Variants in GPC6 observed in about 807,000 individuals in gnomAD.
GPC6 encodes glypican-6.
Under a neutral mutation model 55.2 loss-of-function variants are expected in GPC6, and 14 were observed. The observed-to-expected ratio is 0.25, with a 90% confidence interval of 0.17 to 0.40. The LOEUF (loss-of-function observed/expected upper bound fraction) is 0.40. GPC6 is among the 10% of genes least tolerant of loss of function. GPC6 has a pLI of 1.00. For missense variants in GPC6, 641 were observed against 708.5 expected (o/e 0.90, Z 1.08); for synonymous variants, 278 against 259.6 (o/e 1.07, Z -0.68).
At chr13:94,339,084 A>C (rs1051350411) in intron 6 of GPC6, among the ~76,000 whole-genome samples, 20 of 150,852 alleles carry the variant, frequency 1.3e-4, no homozygotes, top group African/African-American at 4.6e-4. Context: ...TTTTTTTAAG[A>C]GACGGGGTCT....
intron 4 of GPC6, among the ~76,000 whole-genome samples, chr13:94,265,805 A>G (rs1891784087): frequency 6.6e-6 from 1 of 152,240 alleles, no homozygotes; most frequent in Admixed American, 6.5e-5. Context: ...TGTGCCACAT[A>G]TGATTTTGTA....
chr13:94,370,359 C>T (rs1879484892), intron 6 of GPC6, among the ~76,000 whole-genome samples: 2 of 152,092 alleles, frequency 1.3e-5, no homozygotes, highest in African/African-American at 4.8e-5. Flanking sequence ...CTCCCATAGC[C>T]CTTTGCTTAG....
intron 1 of GPC6, among the ~76,000 whole-genome samples, chr13:93,384,142 T>A (rs1875295720): frequency 6.6e-6 from 1 of 152,102 alleles, no homozygotes; most frequent in South Asian, 2.1e-4. Flanking sequence ...GAAAAGTGCT[T>A]TAGAATGCTA....
intron 6 of GPC6, among the ~76,000 whole-genome samples, chr13:94,358,457 T>C (rs1878905587): frequency 6.6e-6 from 1 of 151,782 alleles, no homozygotes; most frequent in South Asian, 2.1e-4. Context: ...TTAGAAGAAG[T>C]GAAAAGATGG....
rs74111530 is a variant in GPC6, at chr13:93,685,839, C to T, written c.319+140418C>T. The stretch of plus-strand genomic sequence containing the variant: ...ATATTTTTCCTTGCGTTCACAACAA[C>T]CCCAGTAGGAAAGATTGAAGAGTAT... On this transcript the variant is annotated intron_variant, in intron 2 of 8. Transcript: ENST00000377047. Among the ~76,000 whole-genome samples the T allele has an allele frequency of 2.9e-3, 436 of 152,200 alleles. 4 individuals are homozygous for T. The highest frequency in any genetic ancestry group is 9.7e-3 in the African/African-American group (403 of 41,542).
At chr13:94,259,857 A>C (rs1386645379) in intron 4 of GPC6, among the ~76,000 whole-genome samples, 1 of 152,182 alleles carries the variant, frequency 6.6e-6, no homozygotes, top group East Asian at 1.9e-4. Context: ...TTTATGGTTG[A>C]ATAATAATAC....
chr13:94,372,427 T>C (rs1040086565), intron 6 of GPC6, among the ~76,000 whole-genome samples: 3 of 152,184 alleles, frequency 2.0e-5, no homozygotes, highest in African/African-American at 7.2e-5. Flanking sequence ...GGGAGTTCCC[T>C]TTCCGAGTCA....
intron 4 of GPC6, among the ~76,000 whole-genome samples, chr13:94,223,565 T>A (rs1359584997): frequency 2.0e-5 from 3 of 152,164 alleles, no homozygotes; most frequent in Non-Finnish European, 4.4e-5. Context: ...TGCCAAGATG[T>A]TTTTTCCTCC....
chr13:93,492,840 A>T (rs2139359855), intron 1 of GPC6, among the ~76,000 whole-genome samples: 1 of 150,388 alleles, frequency 6.6e-6, no homozygotes, highest in African/African-American at 2.4e-5. Flanking sequence ...ATTGGCATAT[A>T]TTGAACCAGC....
At chr13:93,707,566 T>G (rs1882896276) in intron 2 of GPC6, among the ~76,000 whole-genome samples, 1 of 151,726 alleles carries the variant, frequency 6.6e-6, no homozygotes, top group Non-Finnish European at 1.5e-5. Context: ...TCAAGGCAAT[T>G]TCTGGACTGT....
chr13:93,524,017 G>C (rs192842724), intron 1 of GPC6, among the ~76,000 whole-genome samples: 5 of 152,052 alleles, frequency 3.3e-5, no homozygotes, highest in South Asian at 2.1e-4. Context: ...TGGAAAGAGA[G>C]GGGGGAAAGT....
In GPC6 at chr13:94,165,193, A is replaced by ATGTG. The variant is rs113708036; in HGVS notation, c.878-121144_878-121141dup. ...TGGATAAAGAAATTGTGATATATGT[A>ATGTG]TGTGTGTGTGTGTGTATATATATAT... is the stretch of plus-strand genomic sequence containing the variant. On this transcript the variant is annotated intron_variant, in intron 4 of 8. Coordinates refer to ENST00000377047, the MANE Select transcript of GPC6 (RefSeq NM_005708.5). Among the ~76,000 whole-genome samples, 1,336 of 148,646 alleles carry ATGTG rather than the reference A, an allele frequency of 9.0e-3. 60 individuals are homozygous for ATGTG. Among genetic ancestry groups the ATGTG allele is most frequent in the Admixed American group, 0.076 (1,125 of 14,822 alleles).
intron 3 of GPC6, among the ~76,000 whole-genome samples, chr13:93,905,556 C>T (rs1202022677): frequency 1.3e-5 from 2 of 152,344 alleles, no homozygotes; most frequent in South Asian, 4.1e-4. Flanking sequence ...ATTTGTTCAA[C>T]TTGCATCTAT....
intron 4 of GPC6, among the ~76,000 whole-genome samples, chr13:94,055,378 C>A (rs929554969): frequency 9.9e-5 from 15 of 151,922 alleles, no homozygotes; most frequent in African/African-American, 3.6e-4. Context: ...ATAGCACTGG[C>A]CAAAAATCCT....
intron 1 of GPC6, among the ~76,000 whole-genome samples, chr13:93,459,645 G>A (rs919893707): frequency 3.3e-5 from 5 of 152,088 alleles, no homozygotes; most frequent in African/African-American, 1.2e-4. Flanking sequence ...GTATCAGTGT[G>A]TCTTCACTTT....
intron 1 of GPC6, among the ~76,000 whole-genome samples, chr13:93,377,619 G>C (rs1874971903): frequency 6.6e-6 from 1 of 152,144 alleles, no homozygotes; most frequent in African/African-American, 2.4e-5. Context: ...TCTAGGAGGG[G>C]GAAAATTCTT....
At chr13:94,366,947 T>A (rs1293000972) in intron 6 of GPC6, among the ~76,000 whole-genome samples, 2 of 152,164 alleles carry the variant, frequency 1.3e-5, no homozygotes, top group Non-Finnish European at 2.9e-5. Flanking sequence ...GAGGGCTCAG[T>A]CTCAATGCCA....
chr13:93,597,809 A>G (rs1877828587), intron 2 of GPC6, among the ~76,000 whole-genome samples: 1 of 152,162 alleles, frequency 6.6e-6, no homozygotes, highest in South Asian at 2.1e-4. Context: ...TAAGGCTTCT[A>G]GTCAGCAGTA....
intron 1 of GPC6, among the ~76,000 whole-genome samples, chr13:93,434,879 G>T (rs984225352): frequency 6.6e-6 from 1 of 151,940 alleles, no homozygotes; most frequent in Non-Finnish European, 1.5e-5. Context: ...GTTCATGTTT[G>T]TATTTTTAGT....
Sources: gnomAD v4.1 joint callset for allele counts (sites outside exome capture counted in the v4.1 genomes callset) on GRCh38, gnomAD v4.1.1 for gene constraint, MANE v1.5 for transcripts, NCBI Gene and HGNC (gene_info 2026-07-23, HGNC 2026-07-21) for gene names.